The following PRKCA variants were observed in gnomAD, a reference collection of about 807,000 sequenced individuals.
PRKCA encodes protein kinase C alpha type.
In PRKCA, 27 loss-of-function variants were observed where a neutral mutation model predicts 87.0. The ratio of observed to expected loss-of-function variants is 0.31; its 90% CI spans 0.23 to 0.43. PRKCA has a LOEUF of 0.43. Ranked by LOEUF, PRKCA falls within the 20% of genes least tolerant of loss-of-function variation. The probability of loss-of-function intolerance (pLI) is 1.00; values close to 1 mark genes in which losing one functional copy is unlikely to be tolerated. For synonymous variants in PRKCA, 329 were observed against 311.1 expected, an observed-to-expected ratio of 1.06 and a Z score of -0.61; for missense variants, 518 against 852.3, an observed-to-expected ratio of 0.61 and a Z score of 4.88.
At chr17:66,524,975 CGT>C (rs1313178080) in intron 3 of PRKCA, among the ~76,000 whole-genome samples, 1 of 152,198 alleles carries the variant, frequency 6.6e-6, no homozygotes, top group African/African-American at 2.4e-5. Context: ...TCTCTTATAA[CGT>C]GTCTTTGCCA....
chr17:66,665,692 G>A (rs1032839671), intron 5 of PRKCA, among the ~76,000 whole-genome samples: 6 of 152,284 alleles, frequency 3.9e-5, no homozygotes, highest in Middle Eastern at 3.4e-3. Context: ...AAATTCTATT[G>A]TTAGTGAGTT....
intron 5 of PRKCA, among the ~76,000 whole-genome samples, chr17:66,649,121 G>T (rs1225836413): frequency 7.3e-5 from 11 of 150,480 alleles, no homozygotes; most frequent in Non-Finnish European, 1.5e-5. Context: ...AAGAAAGAAA[G>T]AAAAAATAGG....
chr17:66,674,431 A>G (rs1314088816), intron 5 of PRKCA, among the ~76,000 whole-genome samples: 3 of 152,222 alleles, frequency 2.0e-5, no homozygotes, highest in Non-Finnish European at 4.4e-5. Flanking sequence ...CAAAATAACT[A>G]AAAGAGACTA....
intron 1 of PRKCA, among the ~76,000 whole-genome samples, chr17:66,305,325 A>C (rs1904757385): frequency 6.6e-6 from 1 of 152,268 alleles, no homozygotes. Flanking sequence ...AATACTTTGT[A>C]CATGAAACAT....
Position 66,781,866 on chromosome 17 carries a change from GAGATATATAT to G in PRKCA, c.1606-4999_1606-4990del, listed in dbSNP as rs1391198654. On this transcript the variant is annotated intron_variant, in intron 14 of 16. Coordinates refer to ENST00000413366, the MANE Select transcript of PRKCA (RefSeq NM_002737.3). Reference sequence around the variant, plus strand: ...AAATTTTGTGAGAGAGAGAGAGAGAGAGATATATATATATATATATAGTGTGTGTGTGTGT... The same window carrying G: ...AAATTTTGTGAGAGAGAGAGAGAGAGATATATATATAGTGTGTGTGTGTGT... Among the ~76,000 whole-genome samples the G allele has an allele frequency of 3.9e-3, 516 of 132,848 alleles. 2 individuals are homozygous for G. The highest frequency in any genetic ancestry group is 9.6e-3 in the Admixed American group (132 of 13,780). 87.2% of individuals were successfully genotyped at this position (132,848 alleles called of 152,430 possible).
intron 3 of PRKCA, among the ~76,000 whole-genome samples, chr17:66,547,832 C>G (rs1394588169): frequency 6.6e-6 from 1 of 152,164 alleles, no homozygotes; most frequent in East Asian, 1.9e-4. Context: ...AGCAAAGAAA[C>G]CATCTTACGG....
chr17:66,778,291 A>C (rs1598935985), intron 14 of PRKCA: 16 of 844,592 alleles, frequency 1.9e-5, no homozygotes, highest in Non-Finnish European at 2.3e-5. Context: ...AGGCGGGCGG[A>C]TCACGAGGTC....
intron 2 of PRKCA, among the ~76,000 whole-genome samples, chr17:66,481,389 C>CTG (rs1423439718): frequency 6.6e-6 from 1 of 152,164 alleles, no homozygotes; most frequent in African/African-American, 2.4e-5. Context: ...CTGCCAACCC[C>CTG]TGTATATATA....
intron 2 of PRKCA, among the ~76,000 whole-genome samples, chr17:66,421,463 T>G (rs16959236): frequency 0.058 from 8,358 of 145,098 alleles, 333 homozygotes; most frequent in African/African-American, 0.11. Flanking sequence ...CTCTATCAAG[T>G]GATTTTCAGC....
intron 5 of PRKCA, among the ~76,000 whole-genome samples, chr17:66,668,986 C>T (rs1972107844): frequency 6.6e-6 from 1 of 151,846 alleles, no homozygotes; most frequent in African/African-American, 2.4e-5. Flanking sequence ...ACCTGTAGTC[C>T]CAGCTACTCA....
intron 3 of PRKCA, among the ~76,000 whole-genome samples, chr17:66,514,086 G>T (rs1423685484): frequency 1.3e-5 from 2 of 152,060 alleles, no homozygotes; most frequent in Admixed American, 1.3e-4. Flanking sequence ...TAGTATAATT[G>T]TTCTATTTTA....
At chr17:66,406,533 A>G (rs1286568710) in intron 2 of PRKCA, among the ~76,000 whole-genome samples, 1 of 144,824 alleles carries the variant, frequency 6.9e-6, no homozygotes, top group East Asian at 2.1e-4. Flanking sequence ...AGTCTATGGC[A>G]GGGCAGAAAA....
At chr17:66,526,363 C>T (rs575000525) in intron 3 of PRKCA, among the ~76,000 whole-genome samples, 51 of 152,282 alleles carry the variant, frequency 3.3e-4, no homozygotes, top group African/African-American at 1.1e-3. Flanking sequence ...ATCATGTTAT[C>T]GCTTCCAGTC....
chr17:66,745,134 T>G (rs6504454), intron 13 of PRKCA, among the ~76,000 whole-genome samples: 42,189 of 152,150 alleles, frequency 0.28, 6,151 homozygotes, highest in Middle Eastern at 0.37. Context: ...GGACATCTGT[T>G]GGGGAGAGGG....
chr17:66,796,611 T>A, intron 16 of PRKCA: 1 of 985,336 alleles, frequency 1.0e-6, no homozygotes, highest in Middle Eastern at 5.2e-4. Context: ...TCCCTGAGCA[T>A]GCTAATCTTC....
At chr17:66,796,839 A>G (rs1975681695) in intron 16 of PRKCA, 2 of 985,178 alleles carry the variant, frequency 2.0e-6, no homozygotes, top group African/African-American at 3.5e-5. Context: ...ACCTGAATAC[A>G]AGTGAGGGTT....
At chr17:66,796,679 A>C in intron 16 of PRKCA, 1 of 985,336 alleles carries the variant, frequency 1.0e-6, no homozygotes, top group South Asian at 4.7e-5. Context: ...TAGTATGGAC[A>C]TTACCTCCCA....
chr17:66,458,855 C>T (rs764132252), intron 2 of PRKCA, among the ~76,000 whole-genome samples: 8 of 152,120 alleles, frequency 5.3e-5, no homozygotes, highest in Non-Finnish European at 1.2e-4. Flanking sequence ...CCCAGTACGT[C>T]ATTGGAGAAA....
intron 5 of PRKCA, among the ~76,000 whole-genome samples, chr17:66,677,945 T>A (rs1483124136): frequency 1.3e-5 from 2 of 152,190 alleles, no homozygotes; most frequent in African/African-American, 4.8e-5. Context: ...CCCAGAACAT[T>A]GTCATCACTT....
Sources: gnomAD v4.1 joint callset for allele counts (sites outside exome capture counted in the v4.1 genomes callset) on GRCh38, gnomAD v4.1.1 for gene constraint, MANE v1.5 for transcripts, NCBI Gene and HGNC (gene_info 2026-07-23, HGNC 2026-07-21) for gene names.